Variants in FMN2 observed in about 807,000 individuals in gnomAD.
The protein encoded by FMN2 is formin 2.
In FMN2, 51 loss-of-function variants were observed where a neutral mutation model predicts 142.3. The ratio of observed to expected loss-of-function variants is 0.36; its 90% CI spans 0.29 to 0.45. The LOEUF (loss-of-function observed/expected upper bound fraction) is 0.45. Ranked by LOEUF, FMN2 falls within the 20% of genes least tolerant of loss-of-function variation. FMN2 has a pLI of 1.00. For synonymous variants in FMN2, 882 were observed against 869.8 expected, an observed-to-expected ratio of 1.01 and a Z score of -0.25; for missense variants, 1,936 against 2,122.8, an observed-to-expected ratio of 0.91 and a Z score of 1.73.
intron 1 of FMN2, among the ~76,000 whole-genome samples, chr1:240,118,424 GA>G (rs1161339375): frequency 6.6e-6 from 1 of 152,086 alleles, no homozygotes; most frequent in Non-Finnish European, 1.5e-5. Context: ...AGGTGTCTGG[GA>G]ACAGGATAGT....
chr1:240,464,305 T>C (rs1288306347), intron 16 of FMN2, among the ~76,000 whole-genome samples: 1 of 152,164 alleles, frequency 6.6e-6, no homozygotes, highest in Non-Finnish European at 1.5e-5. Flanking sequence ...AGCTCACCCA[T>C]GAGTCACAGT....
chr1:240,319,867 CG>C (rs1299159868), intron 8 of FMN2, among the ~76,000 whole-genome samples: 1 of 152,132 alleles, frequency 6.6e-6, no homozygotes, highest in Admixed American at 6.5e-5. Context: ...ATATCATAGC[CG>C]CCTGTTTCCC....
chr1:240,103,628 G>A (rs1406785975), intron 1 of FMN2, among the ~76,000 whole-genome samples: 1 of 151,846 alleles, frequency 6.6e-6, no homozygotes, highest in Non-Finnish European at 1.5e-5. Context: ...TCTTTAAAAT[G>A]TCTTCCAATT....
At chr1:240,440,595 G>A (rs1450429616) in intron 16 of FMN2, among the ~76,000 whole-genome samples, 3 of 152,140 alleles carry the variant, frequency 2.0e-5, no homozygotes, top group South Asian at 2.1e-4. Context: ...GCAGTGTTGC[G>A]AATTGGCAGT....
At chr1:240,165,107 T>C (rs187015009) in intron 2 of FMN2, among the ~76,000 whole-genome samples, 4 of 152,352 alleles carry the variant, frequency 2.6e-5, no homozygotes, top group Admixed American at 2.0e-4. Flanking sequence ...AGGTTTTAAT[T>C]TGGCTATTTG....
At chr1:240,447,872 T>C (rs936734089) in intron 16 of FMN2, among the ~76,000 whole-genome samples, 5 of 152,328 alleles carry the variant, frequency 3.3e-5, no homozygotes, top group African/African-American at 1.2e-4. Flanking sequence ...GGCATGTGAA[T>C]GATAGCTCAG....
chr1:240,149,003 G>A (rs573092156), intron 2 of FMN2, among the ~76,000 whole-genome samples: 6 of 151,574 alleles, frequency 4.0e-5, no homozygotes, highest in Non-Finnish European at 5.9e-5. Context: ...TAAAAAACTC[G>A]TATATTAAAT....
At chr1:240,102,434 C>T (rs909714922) in intron 1 of FMN2, among the ~76,000 whole-genome samples, 4 of 152,028 alleles carry the variant, frequency 2.6e-5, no homozygotes, top group African/African-American at 7.2e-5. Flanking sequence ...TAGGGATAAT[C>T]TTTGAAACTC....
At chr1:240,241,825 CTTTTTTTTTTTTTTTTTTT>C (rs71567282) in intron 6 of FMN2, among the ~76,000 whole-genome samples, 1 of 96,202 alleles carries the variant, frequency 1.0e-5, no homozygotes, top group Admixed American at 1.2e-4. Flanking sequence ...GTGTGCCTTG[CTTTTTTTTTTTTTTTTTTT>C]TTTTTTTTTT....
At chr1:240,284,003 G>T (rs1197102440) in intron 7 of FMN2, among the ~76,000 whole-genome samples, 1 of 152,068 alleles carries the variant, frequency 6.6e-6, no homozygotes, top group African/African-American at 2.4e-5. Flanking sequence ...GTCTGGCCTG[G>T]AATGTGAAAG....
intron 5 of FMN2, among the ~76,000 whole-genome samples, chr1:240,209,890 C>T (rs1666621350): frequency 6.6e-6 from 1 of 151,790 alleles, no homozygotes; most frequent in Non-Finnish European, 1.5e-5. Flanking sequence ...GGCGACAGAG[C>T]GAGAGTCCGT....
intron 16 of FMN2, among the ~76,000 whole-genome samples, chr1:240,456,412 G>T (rs1216217288): frequency 6.6e-6 from 1 of 152,094 alleles, no homozygotes; most frequent in Non-Finnish European, 1.5e-5. Flanking sequence ...ATAGTGTTAT[G>T]CTCCATATTC....
intron 15 of FMN2, among the ~76,000 whole-genome samples, chr1:240,406,767 C>G (rs1674216585): frequency 6.6e-6 from 1 of 152,082 alleles, no homozygotes; most frequent in Non-Finnish European, 1.5e-5. Context: ...ATGAAGGATA[C>G]CAGCTCCCCC....
intron 1 of FMN2, among the ~76,000 whole-genome samples, chr1:240,103,267 C>T (rs1661477315): frequency 6.6e-6 from 1 of 152,222 alleles, no homozygotes; most frequent in Non-Finnish European, 1.5e-5. Flanking sequence ...AAAAGCTAGG[C>T]ATGTGGCTTT....
intron 1 of FMN2, among the ~76,000 whole-genome samples, chr1:240,098,273 TG>T (rs1272821563): frequency 6.6e-6 from 1 of 151,886 alleles, no homozygotes; most frequent in Non-Finnish European, 1.5e-5. Flanking sequence ...AGCTAATTTT[TG>T]TATTTTTAGT....
intron 6 of FMN2, among the ~76,000 whole-genome samples, chr1:240,247,037 C>G (rs1436518425): frequency 6.6e-6 from 1 of 152,100 alleles, no homozygotes; most frequent in Non-Finnish European, 1.5e-5. Context: ...AGCAGTGGTT[C>G]GTAATGCAAA....
chr1:240,312,967 A>G (rs2102989600), intron 8 of FMN2, among the ~76,000 whole-genome samples: 1 of 152,306 alleles, frequency 6.6e-6, no homozygotes, highest in Middle Eastern at 3.4e-3. Context: ...ACTCCCCAGC[A>G]CTTCTTCCTG....
At chr1:240,330,888 A>G (rs1052579615) in intron 11 of FMN2, 139 bp downstream of exon 11, 8 of 968,646 alleles carry the variant, frequency 8.3e-6, no homozygotes, top group Middle Eastern at 2.6e-4. Flanking sequence ...GCTAGAAAAA[A>G]GTAATGTCCA....
chr1:240,381,863 A>G (rs937221525), intron 14 of FMN2, among the ~76,000 whole-genome samples: 2 of 152,240 alleles, frequency 1.3e-5, no homozygotes, highest in Non-Finnish European at 2.9e-5. Flanking sequence ...CCCAGGCAAC[A>G]TTATATGGAA....
Sources: gnomAD v4.1 joint callset for allele counts (sites outside exome capture counted in the v4.1 genomes callset) on GRCh38, gnomAD v4.1.1 for gene constraint, MANE v1.5 for transcripts, NCBI Gene and HGNC (gene_info 2026-07-23, HGNC 2026-07-21) for gene names.